COL25A1: variants seen among roughly 807,000 people sequenced by gnomAD.
The protein encoded by COL25A1 is collagen alpha-1(XXV) chain.
COL25A1 carries 103 observed loss-of-function variants against 128.4 expected under a neutral mutation model. The observed-to-expected ratio is 0.80, with a 90% CI of 0.68 to 0.94. The LOEUF (loss-of-function observed/expected upper bound fraction) is 0.94. COL25A1 is among the 40% of genes least tolerant of loss of function. COL25A1 has a pLI of 0.00. For missense variants in COL25A1, 745 were observed against 840.0 expected (o/e 0.89, Z 1.40); for synonymous variants, 279 against 277.2 (o/e 1.01, Z -0.06).
intron 3 of COL25A1, among the ~76,000 whole-genome samples, chr4:109,252,633 A>G (rs955244768): frequency 1.3e-5 from 2 of 152,160 alleles, no homozygotes; most frequent in African/African-American, 4.8e-5. Flanking sequence ...CTTGTCACCA[A>G]CGTTCCAATC....
At chr4:108,932,490 A>G (rs375749427) in intron 11 of COL25A1, among the ~76,000 whole-genome samples, 1 of 152,174 alleles carries the variant, frequency 6.6e-6, no homozygotes, top group African/African-American at 2.4e-5. Context: ...CTACGGCCCA[A>G]TGAGGAACAC....
At chr4:108,899,698 T>C (rs1221117214) in intron 14 of COL25A1, among the ~76,000 whole-genome samples, 2 of 152,078 alleles carry the variant, frequency 1.3e-5, no homozygotes, top group Non-Finnish European at 2.9e-5. Context: ...CCCCTTACAA[T>C]GTCATAAACT....
intron 20 of COL25A1, among the ~76,000 whole-genome samples, chr4:108,866,701 T>C (rs540157953): frequency 1.8e-4 from 28 of 152,322 alleles, no homozygotes; most frequent in African/African-American, 6.3e-4. Flanking sequence ...GGAAGAATGG[T>C]GTTCAGCTGA....
chr4:109,105,247 G>T (rs1295106794), intron 3 of COL25A1, among the ~76,000 whole-genome samples: 2 of 152,192 alleles, frequency 1.3e-5, no homozygotes, highest in African/African-American at 4.8e-5. Context: ...GCCGAGGCAG[G>T]TGGATCACTT....
At chr4:108,834,448 G>C (rs1169321945) in intron 31 of COL25A1, 1 of 1,446,360 alleles carries the variant, frequency 6.9e-7, no homozygotes, top group East Asian at 2.5e-5. Context: ...CAAGAACAGA[G>C]ATTAGTATGA....
At chr4:109,194,464 T>A (rs1775858755) in intron 3 of COL25A1, among the ~76,000 whole-genome samples, 1 of 152,168 alleles carries the variant, frequency 6.6e-6, no homozygotes, top group Admixed American at 6.6e-5. Context: ...TTTGCTTAGC[T>A]TCCATGCCGA....
At chr4:109,252,064 T>C (rs143463910) in intron 3 of COL25A1, among the ~76,000 whole-genome samples, 40 of 152,342 alleles carry the variant, frequency 2.6e-4, no homozygotes, top group African/African-American at 9.4e-4. Flanking sequence ...TGAGTTCTGA[T>C]CAGAAGCAAT....
At chr4:109,224,904 G>T (rs184886630) in intron 3 of COL25A1, among the ~76,000 whole-genome samples, 25 of 152,246 alleles carry the variant, frequency 1.6e-4, no homozygotes, top group African/African-American at 5.8e-4. Flanking sequence ...TGCGCCATTG[G>T]ACGCCAGCCT....
chr4:108,834,517 G>A, intron 31 of COL25A1: 1 of 761,482 alleles, frequency 1.3e-6, no homozygotes, highest in Non-Finnish European at 2.2e-6. Flanking sequence ...CAGGGTTCTG[G>A]GATGAATATC....
intron 8 of COL25A1, among the ~76,000 whole-genome samples, chr4:108,969,498 C>G (rs1332988218): frequency 1.3e-5 from 2 of 152,196 alleles, no homozygotes; most frequent in Non-Finnish European, 2.9e-5. Flanking sequence ...ACTGCCTTCT[C>G]CAAACTTCTT....
chr4:109,164,091 C>G (rs1169368684), intron 3 of COL25A1, among the ~76,000 whole-genome samples: 1 of 151,872 alleles, frequency 6.6e-6, no homozygotes, highest in African/African-American at 2.4e-5. Flanking sequence ...ATGTATTCAA[C>G]AAACTCTGCT....
intron 33 of COL25A1, among the ~76,000 whole-genome samples, chr4:108,826,914 C>T (rs1215454477): frequency 6.6e-6 from 1 of 152,138 alleles, no homozygotes; most frequent in Non-Finnish European, 1.5e-5. Flanking sequence ...TCCTGTCAAT[C>T]TCGTGAAGTG....
chr4:108,924,029 A>C (rs1745761724), intron 11 of COL25A1, among the ~76,000 whole-genome samples: 2 of 152,200 alleles, frequency 1.3e-5, no homozygotes, highest in Non-Finnish European at 2.9e-5. Flanking sequence ...ACAGAATCTC[A>C]ACATATTGAG....
At chr4:109,117,923 AAAG>A (rs1767757264) in intron 3 of COL25A1, among the ~76,000 whole-genome samples, 1 of 151,922 alleles carries the variant, frequency 6.6e-6, no homozygotes, top group Non-Finnish European at 1.5e-5. Flanking sequence ...TAAAAATAAA[AAAG>A]AAGTATAACT....
At chr4:108,878,746 T>C (rs531485482) in intron 19 of COL25A1, among the ~76,000 whole-genome samples, 143 of 152,180 alleles carry the variant, frequency 9.4e-4, no homozygotes, top group Non-Finnish European at 1.7e-3. Flanking sequence ...TTTTTTTTTC[T>C]TAACTGGCTT....
At chr4:108,991,453 C>G (rs1046852474) in intron 6 of COL25A1, among the ~76,000 whole-genome samples, 1 of 152,098 alleles carries the variant, frequency 6.6e-6, no homozygotes, top group Non-Finnish European at 1.5e-5. Context: ...TTTTTCATAT[C>G]ATATTAACCA....
At chr4:109,071,430 A>T (rs959389198) in intron 3 of COL25A1, among the ~76,000 whole-genome samples, 1 of 152,150 alleles carries the variant, frequency 6.6e-6, no homozygotes, top group Non-Finnish European at 1.5e-5. Context: ...TGGCAACAAA[A>T]GCCAAAATTG....
chr4:108,952,085 A>G (rs1749501459), intron 8 of COL25A1, among the ~76,000 whole-genome samples: 1 of 152,192 alleles, frequency 6.6e-6, no homozygotes, highest in African/African-American at 2.4e-5. Context: ...AATAAAATGT[A>G]TTAATTATAG....
At chr4:108,849,132 C>T (rs1735463337) in intron 26 of COL25A1, among the ~76,000 whole-genome samples, 1 of 152,144 alleles carries the variant, frequency 6.6e-6, no homozygotes, top group Non-Finnish European at 1.5e-5. Context: ...AACAACCTAT[C>T]TGCCTCAGTT....
Sources: allele counts gnomAD v4.1 joint callset (sites outside exome capture counted in the v4.1 genomes callset), GRCh38; gene constraint gnomAD v4.1.1; transcripts MANE v1.5; gene names NCBI Gene and HGNC (gene_info 2026-07-23, HGNC 2026-07-21).